The following ACSF3 variants were observed in gnomAD, a reference collection of about 807,000 sequenced individuals.
The protein encoded by ACSF3 is malonate--CoA ligase ACSF3, mitochondrial.
ACSF3 carries 78 observed loss-of-function variants against 53.2 expected under a neutral mutation model. That is an observed-to-expected ratio of 1.47 (90% CI 1.22 to 1.77). The LOEUF (loss-of-function observed/expected upper bound fraction) is 1.77, where lower values mean the gene tolerates loss of function less well. Ranked by LOEUF, ACSF3 falls within the 40% of genes most tolerant of loss-of-function variation. The probability of loss-of-function intolerance (pLI) is 0.00; values close to 1 mark genes in which losing one functional copy is unlikely to be tolerated. For missense variants in ACSF3, 937 were observed against 771.1 expected, an observed-to-expected ratio of 1.22 and a Z score of -2.55; for synonymous variants, 414 against 333.1, an observed-to-expected ratio of 1.24 and a Z score of -2.65.
At position 89,112,204 on chromosome 16, in the gene ACSF3, A is replaced by G. The variant is rs759181215; in HGVS notation, c.935A>G (p.His312Arg). 6.8e-6 allele frequency: 11 copies of G among 1,614,230 alleles called. No individual in the cohort carries two copies. The highest frequency in any genetic ancestry group is 9.3e-6 in the Non-Finnish European group (11 of 1,180,048). The change falls in exon 5 of 11, where the codon CAC becomes CGC. Residue 312 changes from histidine to arginine, a missense_variant. His to Arg is a conservative substitution (Grantham distance 29). Transcript: ENST00000614302. ...EYYDRHFTQP[H>R]AQDFLRAVCE... ...TACGACAGGCATTTTACCCAGCCGC[A>G]CGCCCAGGATTTCTTGCGTGCAGTT...
chr16:89,146,557 C>T (rs546303590), intron 10 of ACSF3, among the ~76,000 whole-genome samples: 1 of 152,336 alleles, frequency 6.6e-6, no homozygotes, highest in African/African-American at 2.4e-5. Flanking sequence ...CTCTCCTGCC[C>T]TGGGGGTGGG....
Position 89,155,314 on chromosome 16 carries a change from C to G in ACSF3, c.*1107C>G. ...GCACGTCTGAAAGAGTGGCCAGAAA[C>G]GAGTGTGCCGGGCAGGAGGCCAGCC... On this transcript the variant is annotated 3_prime_UTR_variant, in exon 11 of 11. Transcript: ENST00000614302. 1 of 453,484 alleles carries G rather than the reference C, an allele frequency of 2.2e-6. No homozygotes were observed. The allele number at this position is 453,484 out of a possible 1,614,324, so 28.1% of individuals were successfully genotyped here.
chr16:89,098,748 C>T lies in ACSF3; in HGVS notation c.-36C>T, dbSNP rs1466896036. On this transcript the variant is annotated 5_prime_UTR_variant, in exon 2 of 11. Transcript: ENST00000614302. ...GCGAACTTCCCCTTACCTCCTCTCTCTGGCTCGGGAGCTGGGTGAGTTTGA... is the reference window on the plus strand; with the variant it reads ...GCGAACTTCCCCTTACCTCCTCTCTTTGGCTCGGGAGCTGGGTGAGTTTGA... 2.6e-5 allele frequency: 12 copies of T among 454,072 alleles called. No homozygotes were observed. The highest frequency in any genetic ancestry group is 4.4e-5 in the Non-Finnish European group (10 of 226,802). 28.1% of individuals were successfully genotyped at this position (454,072 alleles called of 1,614,324 possible). A position where few individuals can be genotyped will look rare whatever the true frequency, so the allele number is the denominator to read the frequency against.
At chr16:89,111,174 T>C (rs529011275) in intron 4 of ACSF3, among the ~76,000 whole-genome samples, 35 of 152,374 alleles carry the variant, frequency 2.3e-4, no homozygotes, top group African/African-American at 8.2e-4. Context: ...TTCCTGAGAC[T>C]TCTTCCCTTC....
At chr16:89,099,478 G>A (rs1975017559) in intron 2 of ACSF3, among the ~76,000 whole-genome samples, 1 of 152,198 alleles carries the variant, frequency 6.6e-6, no homozygotes, top group African/African-American at 2.4e-5. Flanking sequence ...TCTGTGAATT[G>A]CCTGATTTAA....
intron 7 of ACSF3, among the ~76,000 whole-genome samples, chr16:89,126,376 C>G (rs1598014157): frequency 6.6e-6 from 1 of 151,938 alleles, no homozygotes; most frequent in African/African-American, 2.4e-5. Context: ...CTAAGTGATT[C>G]TCATGCCTCA....
chr16:89,152,136 C>T (rs1914164725), intron 10 of ACSF3: 1 of 152,284 alleles, frequency 6.6e-6, no homozygotes, highest in Non-Finnish European at 1.5e-5. Context: ...CTGCCCTCAC[C>T]ACTGCCACCC....
chr16:89,110,467 T>C (rs1305761355), intron 4 of ACSF3, among the ~76,000 whole-genome samples: 2 of 152,240 alleles, frequency 1.3e-5, no homozygotes, highest in Non-Finnish European at 2.9e-5. Context: ...TGACCAGATA[T>C]CTGTGCATTC....
At chr16:89,102,474 G>T in intron 3 of ACSF3, 130 bp from the exon 4 acceptor site, 1 of 1,085,748 alleles carries the variant, frequency 9.2e-7, no homozygotes, top group Non-Finnish European at 1.4e-6. Flanking sequence ...GAGCAACAAA[G>T]AGCCAGCCTT....
chr16:89,145,773 C>T (rs1450650300), intron 9 of ACSF3, among the ~76,000 whole-genome samples, 165 bp from the exon 10 acceptor site: 2 of 152,224 alleles, frequency 1.3e-5, no homozygotes, highest in African/African-American at 4.8e-5. Flanking sequence ...CTCCCCTCCC[C>T]ACAGGCCCAG....
At chr16:89,148,851 C>T (rs550095442) in intron 10 of ACSF3, 1 of 152,330 alleles carries the variant, frequency 6.6e-6, no homozygotes, top group South Asian at 2.1e-4. Context: ...TGATGAGAGG[C>T]ACTTCCATGA....
intron 4 of ACSF3, among the ~76,000 whole-genome samples, chr16:89,111,474 T>C (rs1233269243): frequency 6.6e-6 from 1 of 152,160 alleles, no homozygotes; most frequent in African/African-American, 2.4e-5. Context: ...AAGAGTGCCC[T>C]CCTCCCTCCG....
At chr16:89,119,826 G>A (rs1177723687) in intron 6 of ACSF3, among the ~76,000 whole-genome samples, 1 of 152,218 alleles carries the variant, frequency 6.6e-6, no homozygotes. Flanking sequence ...CCAAGCGTCT[G>A]GAGGCCGGGA....
In ACSF3 at chr16:89,102,343, G is replaced by A. The variant is rs1051654517; in HGVS notation, c.667-261G>A. 4.0e-5 allele frequency: 21 copies of A among 525,098 alleles called. 1 individual carries two copies. The highest frequency in any genetic ancestry group is 6.1e-5 in the Admixed American group (2 of 32,860). 32.5% of individuals were successfully genotyped at this position (525,098 alleles called of 1,614,324 possible). A position where few individuals can be genotyped will look rare whatever the true frequency, so the allele number is the denominator to read the frequency against. On this transcript the variant is annotated intron_variant, in intron 3 of 10. Coordinates refer to ENST00000614302, the MANE Select transcript of ACSF3 (RefSeq NM_001243279.3). ...CCTGGTGTCTGCAGAGCCACTCCCC[G>A]ACCTTCTAAATTCCCTAAAGCCTCT...
At chr16:89,137,182 G>C (rs1181289257) in intron 8 of ACSF3, among the ~76,000 whole-genome samples, 2 of 152,238 alleles carry the variant, frequency 1.3e-5, no homozygotes, top group Non-Finnish European at 2.9e-5. Context: ...TTAGGCTCCA[G>C]CCGGGTGAGG....
intron 10 of ACSF3, 30 bp downstream of exon 10, chr16:89,146,079 C>T (rs759857974): frequency 6.7e-7 from 1 of 1,484,464 alleles, no homozygotes; most frequent in South Asian, 1.1e-5. Flanking sequence ...GCAGGGAGCA[C>T]TCATGGGGTC....
intron 7 of ACSF3, among the ~76,000 whole-genome samples, chr16:89,131,276 C>A (rs902973700): frequency 1.3e-5 from 2 of 151,436 alleles, no homozygotes; most frequent in Non-Finnish European, 2.9e-5. Context: ...CAAGCACTGA[C>A]CACCACACCT....
chr16:89,139,155 G>A (rs1009289986), intron 8 of ACSF3, among the ~76,000 whole-genome samples: 1 of 152,216 alleles, frequency 6.6e-6, no homozygotes, highest in Non-Finnish European at 1.5e-5. Context: ...GAGCCCAGGA[G>A]ACACTGAGGT....
rs1975213194 is a variant in ACSF3 at position 89,100,858 on chromosome 16, G to C, written c.177G>C (p.Leu59=). The part of the protein sequence containing the change: ...RALAFGDRIA[L]VDQHGRHTYR... The stretch of plus-strand genomic sequence containing the variant: ...TGGCCTTTGGGGACAGAATCGCCCT[G>C]GTTGACCAGCACGGCCGCCACACGT... Residue 59 remains leucine (L), a synonymous_variant, in exon 3 of 11, where the codon CTG becomes CTC. Transcript: ENST00000614302. 1 of 1,613,606 alleles carries C rather than the reference G, an allele frequency of 6.2e-7. No individual in the cohort carries two copies. The highest frequency in any genetic ancestry group is 1.3e-5 in the African/African-American group (1 of 75,070).
Sources: gnomAD v4.1 joint callset for allele counts (sites outside exome capture counted in the v4.1 genomes callset) on GRCh38, gnomAD v4.1.1 for gene constraint, MANE v1.5 for transcripts, NCBI Gene and HGNC (gene_info 2026-07-23, HGNC 2026-07-21) for gene names.